The following DCC variants were observed in gnomAD, a reference collection of about 807,000 sequenced individuals.
DCC encodes the protein netrin receptor DCC.
A neutral mutation model predicts 172.5 loss-of-function variants in DCC; 58 were observed. That is an observed-to-expected ratio of 0.34 (90% CI 0.27 to 0.42). The LOEUF (loss-of-function observed/expected upper bound fraction) is 0.42. Ranked by LOEUF, DCC falls within the 10% of genes least tolerant of loss-of-function variation. The pLI, the probability that DCC is intolerant of heterozygous loss-of-function variation, is 1.00. For missense variants in DCC, 1,740 were observed against 1,791.0 expected (o/e 0.97, Z 0.51); for synonymous variants, 709 against 644.5 (o/e 1.10, Z -1.52).
intron 15 of DCC, among the ~76,000 whole-genome samples, chr18:53,349,362 C>G (rs2057761544): frequency 2.0e-5 from 3 of 152,178 alleles, no homozygotes; most frequent in African/African-American, 4.8e-5. Context: ...TTGGGCAAAG[C>G]CATTCAACAA....
intron 7 of DCC, among the ~76,000 whole-genome samples, chr18:53,093,563 C>T (rs1476316691): frequency 6.6e-6 from 1 of 152,140 alleles, no homozygotes; most frequent in African/African-American, 2.4e-5. Context: ...GATAAATCAG[C>T]CAAATCCCAT....
At chr18:53,351,333 CAG>C (rs377331980) in intron 15 of DCC, among the ~76,000 whole-genome samples, 3,220 of 20,704 alleles carry the variant, frequency 0.16, 203 homozygotes, top group Non-Finnish European at 0.22. Context: ...TATATATATA[CAG>C]TGTATATATA....
chr18:52,472,111 G>C (rs1988963805), intron 1 of DCC, among the ~76,000 whole-genome samples: 1 of 152,194 alleles, frequency 6.6e-6, no homozygotes. Flanking sequence ...CATGCACCCT[G>C]AGTGCAACTT....
intron 1 of DCC, among the ~76,000 whole-genome samples, chr18:52,476,176 T>C (rs1989088496): frequency 6.6e-6 from 1 of 152,194 alleles, no homozygotes; most frequent in African/African-American, 2.4e-5. Flanking sequence ...AATAAGGTAC[T>C]TGCAGCTTCA....
intron 9 of DCC, among the ~76,000 whole-genome samples, chr18:53,188,171 C>A (rs771308132): frequency 6.6e-6 from 1 of 152,136 alleles, no homozygotes; most frequent in South Asian, 2.1e-4. Context: ...TAGATTCCAA[C>A]CATTGAAATG....
At chr18:52,437,960 T>A (rs1321825568) in intron 1 of DCC, among the ~76,000 whole-genome samples, 1 of 152,226 alleles carries the variant, frequency 6.6e-6, no homozygotes, top group Non-Finnish European at 1.5e-5. Flanking sequence ...TGCCAAATTT[T>A]AAGCTTGACT....
chr18:52,569,727 T>A (rs2033248545), intron 1 of DCC, among the ~76,000 whole-genome samples: 1 of 152,022 alleles, frequency 6.6e-6, no homozygotes. Context: ...GATGACTGAG[T>A]AAGGTGGGGT....
At chr18:53,067,243 G>A (rs148513943) in intron 7 of DCC, among the ~76,000 whole-genome samples, 17 of 152,168 alleles carry the variant, frequency 1.1e-4, no homozygotes, top group East Asian at 1.9e-4. Flanking sequence ...GTATAAGTCC[G>A]GGCACAGTGG....
chr18:53,511,775 T>C (rs1489897017), intron 27 of DCC, among the ~76,000 whole-genome samples: 1 of 152,184 alleles, frequency 6.6e-6, no homozygotes, highest in Non-Finnish European at 1.5e-5. Context: ...CGGCGCATCA[T>C]GAGAGTATAT....
intron 5 of DCC, among the ~76,000 whole-genome samples, chr18:52,997,251 T>C (rs59095967): frequency 0.081 from 12,270 of 152,132 alleles, 657 homozygotes; most frequent in East Asian, 0.21. Flanking sequence ...CTGACAGATA[T>C]CTACAAGCCT....
At chr18:53,089,151 T>C (rs1486532152) in intron 7 of DCC, among the ~76,000 whole-genome samples, 1 of 152,112 alleles carries the variant, frequency 6.6e-6, no homozygotes, top group Non-Finnish European at 1.5e-5. Context: ...AGTGGTGTGA[T>C]CTCTGCTCAC....
chr18:53,025,034 A>G (rs753303387), intron 5 of DCC, among the ~76,000 whole-genome samples: 5 of 152,144 alleles, frequency 3.3e-5, no homozygotes, highest in Admixed American at 6.6e-5. Context: ...TTAAAATATA[A>G]TGGAGAAGGC....
At chr18:53,190,496 G>A (rs1400607297) in intron 9 of DCC, among the ~76,000 whole-genome samples, 1 of 132,002 alleles carries the variant, frequency 7.6e-6, no homozygotes, top group Non-Finnish European at 1.7e-5. Flanking sequence ...GTGTGTGTGT[G>A]TGTGTGTACA....
At chr18:52,737,620 C>T (rs912090818) in intron 1 of DCC, among the ~76,000 whole-genome samples, 2 of 151,974 alleles carry the variant, frequency 1.3e-5, no homozygotes, top group Non-Finnish European at 2.9e-5. Context: ...TAGCCTTGGA[C>T]ACAGTGGGCA....
chr18:53,371,622 A>T (rs2058060875), intron 15 of DCC, among the ~76,000 whole-genome samples: 1 of 152,146 alleles, frequency 6.6e-6, no homozygotes, highest in African/African-American at 2.4e-5. Context: ...ACAAAACTTT[A>T]ATTAAATTTA....
chr18:53,347,823 C>T (rs547890554), intron 15 of DCC, among the ~76,000 whole-genome samples: 25 of 152,144 alleles, frequency 1.6e-4, no homozygotes, highest in Admixed American at 6.5e-4. Flanking sequence ...CAGAGAAACG[C>T]CCCTTTAAAA....
At chr18:52,576,776 G>A in intron 1 of DCC, among the ~76,000 whole-genome samples, 1 of 150,178 alleles carries the variant, frequency 6.7e-6, no homozygotes, top group East Asian at 1.9e-4. Context: ...CTTGCAGTAA[G>A]CTGAGATTGC....
intron 2 of DCC, among the ~76,000 whole-genome samples, chr18:52,893,542 T>G (rs2039683574): frequency 6.6e-6 from 1 of 152,190 alleles, no homozygotes; most frequent in South Asian, 2.1e-4. Flanking sequence ...GGAAATGTCT[T>G]GCCAAGTTTC....
chr18:53,051,211 T>C (rs1427424660), intron 5 of DCC, among the ~76,000 whole-genome samples: 1 of 152,084 alleles, frequency 6.6e-6, no homozygotes, highest in African/African-American at 2.4e-5. Flanking sequence ...GCCTGGGCAA[T>C]GGAGAGACAT....
Sources: gnomAD v4.1 joint callset for allele counts (sites outside exome capture counted in the v4.1 genomes callset) on GRCh38, gnomAD v4.1.1 for gene constraint, MANE v1.5 for transcripts, NCBI Gene and HGNC (gene_info 2026-07-23, HGNC 2026-07-21) for gene names.